The following CACNA2D1 variants were observed in gnomAD, a reference collection of about 807,000 sequenced individuals.
CACNA2D1 encodes the protein calcium voltage-gated channel auxiliary subunit alpha2delta 1.
Under a neutral mutation model 171.5 loss-of-function variants are expected in CACNA2D1, and 53 were observed. That is an observed-to-expected ratio of 0.31 (90% confidence interval 0.25 to 0.39). The LOEUF (loss-of-function observed/expected upper bound fraction) is 0.39. CACNA2D1 is among the 10% of genes least tolerant of loss of function. The pLI, the probability that CACNA2D1 is intolerant of heterozygous loss-of-function variation, is 1.00. For missense variants in CACNA2D1, 903 were observed against 1,299.8 expected, an observed-to-expected ratio of 0.69 and a Z score of 4.69; for synonymous variants, 442 against 443.1, an observed-to-expected ratio of 1.00 and a Z score of 0.03.
At chr7:82,173,216 G>A (rs1049194983) in intron 3 of CACNA2D1, among the ~76,000 whole-genome samples, 9 of 152,136 alleles carry the variant, frequency 5.9e-5, no homozygotes, top group Middle Eastern at 3.4e-3. Flanking sequence ...AATAACAGTG[G>A]CAACAAACTA....
At chr7:81,967,035 A>G in intron 31 of CACNA2D1, 134 bp downstream of exon 31, 1 of 648,126 alleles carries the variant, frequency 1.5e-6, no homozygotes, top group Non-Finnish European at 2.7e-6. Flanking sequence ...AAATGAATAT[A>G]TTATTTCACA....
At chr7:82,084,674 T>C in intron 7 of CACNA2D1, 95 bp downstream of exon 7, 1 of 1,333,924 alleles carries the variant, frequency 7.5e-7, no homozygotes, top group Non-Finnish European at 1.1e-6. Flanking sequence ...TGTGATATAG[T>C]CATATTTTTC....
intron 34 of CACNA2D1, 77 bp from the exon 35 acceptor site, chr7:81,962,572 CT>C: frequency 1.2e-6 from 1 of 834,476 alleles, no homozygotes. Flanking sequence ...CACATAAATA[CT>C]GTTTCCCTTT....
intron 28 of CACNA2D1, among the ~76,000 whole-genome samples, chr7:81,969,532 A>G (rs1795048266): frequency 6.6e-6 from 1 of 151,294 alleles, no homozygotes; most frequent in South Asian, 2.1e-4. Context: ...AATACTGATA[A>G]AATGTAATTA....
chr7:81,989,763 T>G (rs745395744), intron 21 of CACNA2D1, among the ~76,000 whole-genome samples: 1 of 152,166 alleles, frequency 6.6e-6, no homozygotes, highest in Non-Finnish European at 1.5e-5. Context: ...AATTGCTGTA[T>G]GCCAAATTCA....
chr7:82,069,679 G>A (rs1460684773), intron 7 of CACNA2D1, among the ~76,000 whole-genome samples: 1 of 149,754 alleles, frequency 6.7e-6, no homozygotes. Context: ...CCATTTTCTG[G>A]TTAACATGGT....
At chr7:82,084,642 T>C in intron 7 of CACNA2D1, 127 bp downstream of exon 7, 1 of 1,079,152 alleles carries the variant, frequency 9.3e-7, no homozygotes, top group East Asian at 2.4e-5. Flanking sequence ...TAAAGAGGAA[T>C]GTTCTTTCCT....
At chr7:82,161,698 T>C (rs1207745651) in intron 4 of CACNA2D1, among the ~76,000 whole-genome samples, 1 of 152,068 alleles carries the variant, frequency 6.6e-6, no homozygotes, top group Non-Finnish European at 1.5e-5. Context: ...GAAATAATAG[T>C]TCACTTGCGA....
chr7:82,241,010 T>C (rs1368321101), intron 3 of CACNA2D1, among the ~76,000 whole-genome samples: 2 of 151,838 alleles, frequency 1.3e-5, no homozygotes, highest in Admixed American at 1.3e-4. Flanking sequence ...AAAGGTGTCA[T>C]AAAGTATAGT....
intron 10 of CACNA2D1, among the ~76,000 whole-genome samples, chr7:82,060,180 T>TATATA (rs1806541748): frequency 4.3e-5 from 1 of 23,208 alleles, no homozygotes; most frequent in African/African-American, 1.9e-4. Context: ...ATATATATAA[T>TATATA]ATATATATAT....
chr7:82,001,330 T>C (rs890258288), intron 18 of CACNA2D1, among the ~76,000 whole-genome samples: 1 of 152,188 alleles, frequency 6.6e-6, no homozygotes, highest in African/African-American at 2.4e-5. Flanking sequence ...TACAAGCAAA[T>C]TGTTAGGATC....
intron 1 of CACNA2D1, among the ~76,000 whole-genome samples, chr7:82,441,211 A>G (rs1830482477): frequency 6.6e-6 from 1 of 152,054 alleles, no homozygotes; most frequent in African/African-American, 2.4e-5. Flanking sequence ...AAGTTTATTC[A>G]GAAATCTAAC....
At chr7:81,956,160 G>A (rs570977792) in intron 38 of CACNA2D1, among the ~76,000 whole-genome samples, 80 of 151,424 alleles carry the variant, frequency 5.3e-4, no homozygotes, top group South Asian at 1.7e-3. Flanking sequence ...TTTTAGTAGA[G>A]ATGGGGTTTC....
chr7:82,274,548 A>ACAC (rs1449170147), intron 3 of CACNA2D1, among the ~76,000 whole-genome samples: 1 of 152,086 alleles, frequency 6.6e-6, no homozygotes, highest in African/African-American at 2.4e-5. Flanking sequence ...TGGGTTATAG[A>ACAC]CACCGCACAC....
chr7:82,033,286 G>A (rs912331408), intron 11 of CACNA2D1, among the ~76,000 whole-genome samples: 2 of 151,884 alleles, frequency 1.3e-5, no homozygotes, highest in Non-Finnish European at 2.9e-5. Flanking sequence ...CCAACAGAAT[G>A]TAAGCTACAT....
chr7:82,263,779 T>C (rs1451733934), intron 3 of CACNA2D1, among the ~76,000 whole-genome samples: 2 of 152,220 alleles, frequency 1.3e-5, no homozygotes, highest in Non-Finnish European at 2.9e-5. Flanking sequence ...AAAGCAAAGG[T>C]ATGTTTGATT....
chr7:82,293,403 C>T (rs960272370), intron 3 of CACNA2D1, among the ~76,000 whole-genome samples: 2 of 152,066 alleles, frequency 1.3e-5, no homozygotes, highest in African/African-American at 4.8e-5. Context: ...CTTTGAAAAG[C>T]TAGTTGAAAG....
intron 3 of CACNA2D1, among the ~76,000 whole-genome samples, chr7:82,248,476 T>G (rs1219053924): frequency 6.6e-6 from 1 of 152,206 alleles, no homozygotes; most frequent in South Asian, 2.1e-4. Flanking sequence ...AAGAGGATTT[T>G]AATAATCATG....
At chr7:82,111,449 T>A (rs968990778) in intron 6 of CACNA2D1, among the ~76,000 whole-genome samples, 8,517 of 113,162 alleles carry the variant, frequency 0.075, 1,140 homozygotes, top group African/African-American at 0.13. Flanking sequence ...TATATATTTT[T>A]TTTTTTTTTT....
Sources: gnomAD v4.1 joint callset for allele counts (sites outside exome capture counted in the v4.1 genomes callset) on GRCh38, gnomAD v4.1.1 for gene constraint, MANE v1.5 for transcripts, NCBI Gene and HGNC (gene_info 2026-07-23, HGNC 2026-07-21) for gene names.